KIAA2012: variants seen among roughly 807,000 people sequenced by gnomAD.
KIAA2012 encodes the protein uncharacterized protein KIAA2012.
In KIAA2012, 125 loss-of-function variants were observed where a neutral mutation model predicts 150.6. The ratio of observed to expected loss-of-function variants is 0.83; its 90% confidence interval spans 0.72 to 0.96. KIAA2012 has a LOEUF of 0.96. KIAA2012 is among the 40% of genes least tolerant of loss of function. The pLI is 0.00. For synonymous variants in KIAA2012, 462 were observed against 504.7 expected (o/e 0.92, Z 1.13); for missense variants, 1,219 against 1,354.9 (o/e 0.90, Z 1.57).
chr2:202,096,039 A>C (rs368792240), intron 4 of KIAA2012, among the ~76,000 whole-genome samples: 26 of 152,040 alleles, frequency 1.7e-4, no homozygotes, highest in Admixed American at 1.2e-3. Context: ...AGCCAAGATC[A>C]TGCCACTGCA....
At chr2:202,197,217 T>A in intron 22 of KIAA2012, 198 bp downstream of exon 22, 1 of 858,128 alleles carries the variant, frequency 1.2e-6, no homozygotes, top group South Asian at 1.9e-5. Context: ...GAAGTTGTAA[T>A]GAATCTACAA....
At chr2:202,166,117 C>A (rs191328413) in intron 15 of KIAA2012, among the ~76,000 whole-genome samples, 3 of 152,324 alleles carry the variant, frequency 2.0e-5, no homozygotes, top group Admixed American at 2.0e-4. Flanking sequence ...CAGAACATGG[C>A]CAAACCTAAG....
chr2:202,198,990 C>T (rs933386589), intron 22 of KIAA2012, among the ~76,000 whole-genome samples: 15 of 152,096 alleles, frequency 9.9e-5, no homozygotes, highest in Non-Finnish European at 1.5e-5. Context: ...ATTCCATGTA[C>T]CATAGAAGCA....
intron 1 of KIAA2012, among the ~76,000 whole-genome samples, chr2:202,074,257 G>T (rs1000512773): frequency 1.3e-5 from 2 of 151,966 alleles, no homozygotes; most frequent in African/African-American, 4.8e-5. Context: ...GAAACCTATT[G>T]GGGATACTTT....
rs1399576428 is a variant in KIAA2012 at position 202,154,793 on chromosome 2, A to G, written c.2029A>G (p.Met677Val). 1 of 1,547,712 alleles carries G rather than the reference A, an allele frequency of 6.5e-7. No homozygotes were observed. Among genetic ancestry groups the G allele is most frequent in the East Asian group, 2.4e-5 (1 of 40,918 alleles). The change falls in exon 14 of 24, where the codon ATG becomes GTG. Residue 677 changes from methionine to valine, a missense_variant. Physicochemically the swap from Met to Val is conservative, Grantham distance 21. Transcript: ENST00000498697. ...TTACACGCGCAAGCTGCACATCGAC[A>G]TGACGCCGTTCCTGAAGGTGATCTC... ...EFYTRKLHIDMTPFLKESGNA... is the reference protein window; with the variant it reads ...EFYTRKLHIDVTPFLKESGNA...
intron 3 of KIAA2012, 38 bp downstream of exon 3, chr2:202,090,967 GCCC>G: frequency 6.6e-7 from 1 of 1,513,048 alleles, no homozygotes. Flanking sequence ...ACCCCAAACT[GCCC>G]CACCTCCCAT....
rs368758133 is a variant in KIAA2012, at chr2:202,122,498, C to CT, written c.1763-2698dup. On this transcript the variant is annotated intron_variant, in intron 11 of 23. Coordinates refer to ENST00000498697, the MANE Select transcript of KIAA2012 (RefSeq NM_001277372.4). ...CTCCAATCTTCTACTCAAATCCGCT[C>CT]TTTTTTTTTTTTTTTTTTGGAGACT... Among the ~76,000 whole-genome samples the CT allele has an allele frequency of 3.8e-3, 454 of 119,166 alleles. 3 individuals carry two copies. The highest frequency in any genetic ancestry group is 4.3e-3 in the Admixed American group (51 of 11,876). 78.2% of individuals were successfully genotyped at this position (119,166 alleles called of 152,430 possible).
rs749365041 is a variant in KIAA2012, at chr2:202,090,939, GA to G, written c.529+13del. 7 of 1,534,738 alleles carry G rather than the reference GA, an allele frequency of 4.6e-6. No homozygotes were observed. The East Asian group carries it at 1.7e-4, about 38-fold the overall frequency. ...AGGCTCTGGTGCGCAGGTCAGTGGG[GA>G]AATGGGAGGGGGGCACACCCCAAAC... On this transcript the variant is annotated intron_variant, in intron 3 of 23. Coordinates refer to ENST00000498697, the MANE Select transcript of KIAA2012 (RefSeq NM_001277372.4).
chr2:202,078,994 G>A (rs1159370611), intron 2 of KIAA2012, among the ~76,000 whole-genome samples: 2 of 152,100 alleles, frequency 1.3e-5, no homozygotes, highest in East Asian at 1.9e-4. Context: ...TCAGGAGTTC[G>A]AGACCAGCCT....
At chr2:202,189,074 G>A (rs761881242) in intron 18 of KIAA2012, among the ~76,000 whole-genome samples, 1 of 152,152 alleles carries the variant, frequency 6.6e-6, no homozygotes, top group Non-Finnish European at 1.5e-5. Context: ...TGTAGCCCAT[G>A]ACTTGGGTAG....
chr2:202,125,624 G>A (rs1690763530), intron 12 of KIAA2012, among the ~76,000 whole-genome samples: 1 of 152,118 alleles, frequency 6.6e-6, no homozygotes, highest in African/African-American at 2.4e-5. Context: ...GGTAGACATT[G>A]TCCCCTGGAG....
intron 11 of KIAA2012, chr2:202,115,474 G>A (rs1390642309): frequency 6.6e-6 from 1 of 151,940 alleles, no homozygotes; most frequent in East Asian, 1.9e-4. Flanking sequence ...ATCTTTTCTG[G>A]AACATTTTCC....
chr2:202,171,112 T>TACACACACACACAC (rs10532176), intron 15 of KIAA2012, among the ~76,000 whole-genome samples: 3,816 of 149,772 alleles, frequency 0.025, 173 homozygotes, highest in African/African-American at 0.089. Flanking sequence ...AAAGAAATAC[T>TACACACACACACAC]ACACACACAC....
intron 15 of KIAA2012, among the ~76,000 whole-genome samples, chr2:202,176,755 C>A (rs1691999164): frequency 6.6e-6 from 1 of 152,128 alleles, no homozygotes; most frequent in South Asian, 2.1e-4. Flanking sequence ...AAAAAAAGTT[C>A]TCCTTACTAA....
intron 13 of KIAA2012, among the ~76,000 whole-genome samples, chr2:202,152,041 G>A (rs536456552): frequency 5.3e-5 from 8 of 152,186 alleles, no homozygotes; most frequent in Admixed American, 4.6e-4. Context: ...ATGAGATTAC[G>A]GATATGAGCC....
intron 12 of KIAA2012, among the ~76,000 whole-genome samples, chr2:202,132,688 A>G (rs1266618828): frequency 1.3e-5 from 1 of 76,884 alleles, no homozygotes; most frequent in African/African-American, 5.2e-5. Context: ...ACATATATAT[A>G]TATGTATGTA....
At chr2:202,118,330 T>C (rs1233949590) in intron 11 of KIAA2012, among the ~76,000 whole-genome samples, 1 of 152,164 alleles carries the variant, frequency 6.6e-6, no homozygotes, top group Non-Finnish European at 1.5e-5. Context: ...CTGGATATGG[T>C]CTCTGGGCAC....
chr2:202,187,650 C>T (rs528276775), intron 17 of KIAA2012, among the ~76,000 whole-genome samples: 4 of 152,278 alleles, frequency 2.6e-5, no homozygotes, highest in East Asian at 3.9e-4. Flanking sequence ...TAGTCATGAC[C>T]CCACTCTGCC....
Position 202,104,825 on chromosome 2 carries a change from C to T in KIAA2012, c.1325-936C>T, listed in dbSNP as rs1209087166. On this transcript the variant is annotated intron_variant, in intron 8 of 23. Coordinates refer to ENST00000498697, the MANE Select transcript of KIAA2012 (RefSeq NM_001277372.4). The surrounding 1 kb of genome is among the most constrained non-coding windows in gnomAD (Gnocchi z 4.3). ...AGTCAGGTCCCAGACATCAAAACATCAGAATGAAAAGATACACTTAATAAA... is the reference window on the plus strand; with the variant it reads ...AGTCAGGTCCCAGACATCAAAACATTAGAATGAAAAGATACACTTAATAAA... Among the ~76,000 whole-genome samples, 1 of 152,134 alleles carries T rather than the reference C, an allele frequency of 6.6e-6. No individual in the cohort carries two copies. Among genetic ancestry groups the T allele is most frequent in the Non-Finnish European group, 1.5e-5 (1 of 68,030 alleles).
Sources: gnomAD v4.1 joint callset for allele counts (sites outside exome capture counted in the v4.1 genomes callset) on GRCh38, gnomAD v4.1.1 for gene constraint, Gnocchi (gnomAD v3.1) non-coding constraint, MANE v1.5 for transcripts, NCBI Gene and HGNC (gene_info 2026-07-23, HGNC 2026-07-21) for gene names.